Variants in MMP16 observed in about 807,000 individuals in gnomAD.
MMP16 encodes matrix metalloproteinase-16.
MMP16 carries 12 observed loss-of-function variants against 67.8 expected under a neutral mutation model. That is an observed-to-expected ratio of 0.18 (90% CI 0.11 to 0.29). MMP16 has a LOEUF of 0.29. MMP16 is among the 10% of genes least tolerant of loss of function. The probability of loss-of-function intolerance (pLI) is 1.00; values close to 1 mark genes in which losing one functional copy is unlikely to be tolerated. For synonymous variants in MMP16, 249 were observed against 255.9 expected, an observed-to-expected ratio of 0.97 and a Z score of 0.26; for missense variants, 475 against 765.7, an observed-to-expected ratio of 0.62 and a Z score of 4.48.
Position 88,041,794 on chromosome 8 carries a change from G to A in MMP16, c.1491C>T (p.Gly497=). ...PQGAFVHKEN[G]FTYFYKGKEY... The stretch of plus-strand genomic sequence containing the variant: ...CCTTTCCTTTGTAGAAATACGTAAA[G>A]CCTAGGGGGAAAAACATACACACAC... The change falls in exon 10 of 10, where the codon GGC becomes GGT. Residue 497 remains glycine, a splice_region_variant and synonymous_variant. Transcript: ENST00000286614. This position sits in a 1 kb window ranked among gnomAD's most constrained non-coding sequence, Gnocchi z 6.0. The A allele has an allele frequency of 6.3e-7, 1 of 1,598,990 alleles. No individual in the cohort carries two copies. The highest frequency in any genetic ancestry group is 8.5e-7 in the Non-Finnish European group (1 of 1,171,796).
chr8:88,124,882 A>G (rs1018446981), intron 4 of MMP16, among the ~76,000 whole-genome samples: 3 of 151,812 alleles, frequency 2.0e-5, no homozygotes, highest in Non-Finnish European at 2.9e-5. Context: ...CTCTGTGCAT[A>G]CTCACTTCGT....
At position 88,036,674 on chromosome 8, in the gene MMP16, T is replaced by A. The variant is rs550913839; in HGVS notation, c.*4787A>T. ...ACAGCCGAATGATTAGATCCTCTTA[T>A]ATGATTGACTTGACACATTTTGTGA... On this transcript the variant is annotated 3_prime_UTR_variant, in exon 10 of 10. Coordinates refer to ENST00000286614, the MANE Select transcript of MMP16 (RefSeq NM_005941.5). 6.1e-4 allele frequency: 92 copies of A among 151,970 alleles called. No homozygotes were observed. The highest frequency in any genetic ancestry group is 5.9e-3 in the Admixed American group (90 of 15,206). 9.4% of individuals were successfully genotyped at this position (151,970 alleles called of 1,614,324 possible).
intron 1 of MMP16, among the ~76,000 whole-genome samples, chr8:88,210,251 A>G (rs571175459): frequency 6.6e-6 from 1 of 152,290 alleles, no homozygotes; most frequent in South Asian, 2.1e-4. Flanking sequence ...ACTCAAACAT[A>G]CAGCACTCAG....
intron 1 of MMP16, among the ~76,000 whole-genome samples, chr8:88,224,023 AT>A (rs765912501): frequency 3.3e-5 from 5 of 151,980 alleles, no homozygotes; most frequent in Non-Finnish European, 7.4e-5. Flanking sequence ...AGAAAAGTTT[AT>A]TGAGTGATAA....
chr8:88,047,952 A>G (rs550313747), intron 8 of MMP16, among the ~76,000 whole-genome samples: 120 of 152,270 alleles, frequency 7.9e-4, no homozygotes, highest in African/African-American at 2.6e-3. Context: ...GGCATTTGGG[A>G]TATATTTTAA....
At chr8:88,141,968 G>A (rs994281812) in intron 4 of MMP16, among the ~76,000 whole-genome samples, 1 of 150,942 alleles carries the variant, frequency 6.6e-6, no homozygotes, top group East Asian at 2.0e-4. Context: ...AGGTTAGAGT[G>A]CAGTGGCACC....
intron 1 of MMP16, among the ~76,000 whole-genome samples, chr8:88,235,113 A>G (rs1476348335): frequency 2.0e-5 from 3 of 152,186 alleles, no homozygotes; most frequent in Non-Finnish European, 4.4e-5. Context: ...ATTTATGCCC[A>G]ACTGACTTTT....
At chr8:88,326,261 G>A (rs1304132813) in intron 1 of MMP16, among the ~76,000 whole-genome samples, 1 of 152,146 alleles carries the variant, frequency 6.6e-6, no homozygotes, top group Non-Finnish European at 1.5e-5. Flanking sequence ...CTTGATGACA[G>A]GAAGAGTACT....
intron 1 of MMP16, among the ~76,000 whole-genome samples, chr8:88,259,091 G>A (rs1181362871): frequency 6.6e-6 from 1 of 152,118 alleles, no homozygotes; most frequent in Non-Finnish European, 1.5e-5. Context: ...GCTGGCACAA[G>A]TGGATTAAGG....
intron 8 of MMP16, among the ~76,000 whole-genome samples, chr8:88,051,330 T>C (rs1808268446): frequency 6.6e-6 from 1 of 152,168 alleles, no homozygotes; most frequent in Non-Finnish European, 1.5e-5. Flanking sequence ...GAACACTGTG[T>C]ACATCAACCA....
intron 1 of MMP16, among the ~76,000 whole-genome samples, chr8:88,226,488 C>G (rs991406809): frequency 6.6e-6 from 1 of 152,064 alleles, no homozygotes; most frequent in Non-Finnish European, 1.5e-5. Flanking sequence ...TACCTTTTAA[C>G]TGTAGAAGAC....
intron 4 of MMP16, among the ~76,000 whole-genome samples, chr8:88,167,144 G>A (rs1808728055): frequency 6.6e-6 from 1 of 152,084 alleles, no homozygotes; most frequent in African/African-American, 2.4e-5. Context: ...CCGAGGAAGT[G>A]GAGGTTGCAG....
intron 6 of MMP16, among the ~76,000 whole-genome samples, chr8:88,088,084 A>ATATATAATATATATCTATATATC (rs1808871709): frequency 2.6e-5 from 3 of 113,758 alleles, no homozygotes; most frequent in South Asian, 5.6e-4. Flanking sequence ...CTATATATCT[A>ATATATAATATATATCTATATATC]TATATAATAG....
Position 88,270,059 on chromosome 8 carries a change from C to T in MMP16, c.132+57016G>A, listed in dbSNP as rs1238709756. Reference sequence around the variant, plus strand: ...TGATGGGCTCATGTTCATATTCAAGCACTTCAACACTTTTGGAATGTTACT... The same window carrying T: ...TGATGGGCTCATGTTCATATTCAAGTACTTCAACACTTTTGGAATGTTACT... On this transcript the variant is annotated intron_variant, in intron 1 of 9. Coordinates refer to ENST00000286614, the MANE Select transcript of MMP16 (RefSeq NM_005941.5). Among the ~76,000 whole-genome samples the T allele has an allele frequency of 3.3e-5, 5 of 152,278 alleles. No homozygotes were observed. The East Asian group carries it at 5.8e-4, about 18-fold the overall frequency.
intron 7 of MMP16, among the ~76,000 whole-genome samples, chr8:88,071,919 A>C (rs1274724441): frequency 1.3e-5 from 2 of 152,208 alleles, no homozygotes; most frequent in Non-Finnish European, 2.9e-5. Flanking sequence ...TTACAGAAAA[A>C]GTCTGTCAAA....
intron 4 of MMP16, among the ~76,000 whole-genome samples, chr8:88,120,612 GCAGA>G (rs1157872554): frequency 6.6e-6 from 1 of 151,848 alleles, no homozygotes; most frequent in African/African-American, 2.4e-5. Context: ...GATTTATCAA[GCAGA>G]CAAAGGAGCA....
In MMP16 at chr8:88,040,876, A is replaced by G. The variant is rs1381478847; in HGVS notation, c.*585T>C. ...TATTCCAAATCTCCCACCTGACAAA[A>G]TGGTGCGTAGGAGACTATCCAAAGC... is the stretch of plus-strand genomic sequence containing the variant. On this transcript the variant is annotated 3_prime_UTR_variant, in exon 10 of 10. Transcript: ENST00000286614. 6.6e-6 allele frequency: 1 copy of G among 152,566 alleles called. No homozygotes were observed. Among genetic ancestry groups the G allele is most frequent in the African/African-American group, 2.4e-5 (1 of 41,442 alleles). The allele number at this position is 152,566 out of a possible 1,614,324, so 9.5% of individuals were successfully genotyped here. A position where few individuals can be genotyped will look rare whatever the true frequency, so the allele number is the denominator to read the frequency against.
intron 6 of MMP16, among the ~76,000 whole-genome samples, chr8:88,090,434 C>T (rs946338083): frequency 6.6e-6 from 1 of 151,770 alleles, no homozygotes; most frequent in Non-Finnish European, 1.5e-5. Flanking sequence ...CTATTTTGTA[C>T]TGAAACATTT....
intron 6 of MMP16, among the ~76,000 whole-genome samples, chr8:88,106,249 GGTATAA>G (rs1355523677): frequency 4.6e-5 from 7 of 150,812 alleles, no homozygotes; most frequent in African/African-American, 1.7e-4. Flanking sequence ...TAGGAATCTG[GGTATAA>G]GTATGTGTTC....
Sources: allele counts gnomAD v4.1 joint callset (sites outside exome capture counted in the v4.1 genomes callset), GRCh38; gene constraint gnomAD v4.1.1; non-coding constraint Gnocchi (gnomAD v3.1); transcripts MANE v1.5; gene names NCBI Gene and HGNC (gene_info 2026-07-23, HGNC 2026-07-21).